Variants in CACNA1D observed in about 807,000 individuals in gnomAD.
CACNA1D encodes voltage-dependent L-type calcium channel subunit alpha-1D.
Under a neutral mutation model 257.1 loss-of-function variants are expected in CACNA1D, and 55 were observed. That is an observed-to-expected ratio of 0.21 (90% CI 0.17 to 0.27). CACNA1D has a LOEUF of 0.27. Among genes scored for constraint, CACNA1D ranks in the 10% least tolerant of loss-of-function variants. The pLI, the probability that CACNA1D is intolerant of heterozygous loss-of-function variation, is 1.00. For synonymous variants in CACNA1D, 980 were observed against 1,014.9 expected, an observed-to-expected ratio of 0.97 and a Z score of 0.65; for missense variants, 1,876 against 2,784.0, an observed-to-expected ratio of 0.67 and a Z score of 7.34.
rs2095473731 is a variant in CACNA1D, at chr3:53,789,639, G to T, written c.4923+2687G>T. On this transcript the variant is annotated intron_variant, in intron 40 of 47. Transcript: ENST00000350061. This position sits in a 1 kb window ranked among gnomAD's most constrained non-coding sequence, Gnocchi z 4.2. ...GATGGCTTGCCTCCTCCCACAGCAGGGTGCCCCATGGCTGGCAGACTGCGT... is the reference window on the plus strand; with the variant it reads ...GATGGCTTGCCTCCTCCCACAGCAGTGTGCCCCATGGCTGGCAGACTGCGT... Among the ~76,000 whole-genome samples the T allele has an allele frequency of 6.6e-6, 1 of 152,220 alleles. No homozygotes were observed. Among genetic ancestry groups the T allele is most frequent in the African/African-American group, 2.4e-5 (1 of 41,456 alleles).
rs9311512 is a variant in CACNA1D, at chr3:53,680,579, C to T, written c.1220+7453C>T. On this transcript the variant is annotated intron_variant, in intron 8 of 47. Coordinates refer to ENST00000350061, the MANE Select transcript of CACNA1D (RefSeq NM_001128840.3). ...GGGAGGCTGTTGAATCTGTTGATCC[C>T]AAATCCTAGGGGAAGAGAATTCATT... Among the ~76,000 whole-genome samples, 842 of 152,240 alleles carry T rather than the reference C, an allele frequency of 5.5e-3. 6 individuals are homozygous for T. Among genetic ancestry groups the T allele is most frequent in the African/African-American group, 0.019 (797 of 41,538 alleles).
At chr3:53,743,201 C>T (rs2095134108) in intron 22 of CACNA1D, 84 bp downstream of exon 22, 5 of 824,594 alleles carry the variant, frequency 6.1e-6, no homozygotes, top group East Asian at 4.9e-5. Flanking sequence ...AAAGGCTGGG[C>T]ATCATTTTCA....
At chr3:53,798,177 T>C (rs192009028) in intron 40 of CACNA1D, among the ~76,000 whole-genome samples, 20 of 152,310 alleles carry the variant, frequency 1.3e-4, no homozygotes, top group Admixed American at 3.9e-4. Flanking sequence ...TTTACCAACA[T>C]AGCATTACAG....
rs1199715113 is a variant in CACNA1D at position 53,723,251 on chromosome 3, G to C, written c.1667-183G>C. On this transcript the variant is annotated intron_variant, in intron 12 of 47. Transcript: ENST00000350061. The surrounding 1 kb of genome is among the most constrained non-coding windows in gnomAD (Gnocchi z 5.6). ...ATAGCTAGTAGCAGAAGCAGGACCA[G>C]AACCTGGTGGACAGACTGTCCACGC... 6.6e-6 allele frequency among the ~76,000 whole-genome samples: 1 copy of C among 152,110 alleles called. No homozygotes were observed. The highest frequency in any genetic ancestry group is 2.4e-5 in the African/African-American group (1 of 41,420).
intron 46 of CACNA1D, chr3:53,809,202 G>A (rs553589058): frequency 2.7e-4 from 56 of 206,174 alleles, no homozygotes; most frequent in African/African-American, 1.1e-3. Flanking sequence ...GGGCCCTGTG[G>A]GTACTATGCA....
chr3:53,787,927 T>C (rs576234790), intron 40 of CACNA1D, among the ~76,000 whole-genome samples: 19 of 152,310 alleles, frequency 1.2e-4, no homozygotes, highest in Middle Eastern at 3.4e-3. Flanking sequence ...TAAAATCTAT[T>C]TACGCCACAA....
chr3:53,621,587 G>A (rs2093697509), intron 3 of CACNA1D, among the ~76,000 whole-genome samples: 1 of 152,104 alleles, frequency 6.6e-6, no homozygotes, highest in South Asian at 2.1e-4. Flanking sequence ...CTAAGACAGG[G>A]CACAAAAAGC....
intron 15 of CACNA1D, among the ~76,000 whole-genome samples, chr3:53,730,224 C>G (rs2094976106): frequency 6.6e-6 from 1 of 151,822 alleles, no homozygotes; most frequent in Non-Finnish European, 1.5e-5. Flanking sequence ...CTTCTGTAGA[C>G]TGTCCTTTTA....
intron 8 of CACNA1D, among the ~76,000 whole-genome samples, chr3:53,684,697 T>G (rs1476370985): frequency 6.6e-6 from 1 of 151,152 alleles, no homozygotes. Flanking sequence ...CTAAATTTTC[T>G]AAAAGATAAT....
intron 28 of CACNA1D, among the ~76,000 whole-genome samples, chr3:53,752,461 G>A (rs545306202): frequency 3.4e-4 from 51 of 152,234 alleles, no homozygotes; most frequent in African/African-American, 1.2e-3. Flanking sequence ...GTGCAGTAGC[G>A]CGATCTCGGC....
At position 53,786,810 on chromosome 3, in the gene CACNA1D, C is replaced by A; in HGVS notation, c.4793-12C>A. 1 of 1,461,926 alleles carries A rather than the reference C, an allele frequency of 6.8e-7. No individual in the cohort carries two copies. Among genetic ancestry groups the A allele is most frequent in the South Asian group, 1.1e-5 (1 of 89,362 alleles). The allele number at this position is 1,461,926 out of a possible 1,614,324, so 90.6% of individuals were successfully genotyped here. ...CTGATTCGGGAGAGCTCTGTCTGGT[C>A]TCTCCGTTTAGATGATGAGGTAACC... On this transcript the variant is annotated splice_polypyrimidine_tract_variant and intron_variant, in intron 39 of 47. Transcript: ENST00000350061.
intron 3 of CACNA1D, among the ~76,000 whole-genome samples, chr3:53,588,779 T>G (rs1214199380): frequency 1.3e-5 from 2 of 152,186 alleles, no homozygotes; most frequent in African/African-American, 4.8e-5. Context: ...AAGGAATCAT[T>G]CTGAAAGTTA....
At chr3:53,740,873 T>C (rs993367982) in intron 21 of CACNA1D, among the ~76,000 whole-genome samples, 1 of 152,222 alleles carries the variant, frequency 6.6e-6, no homozygotes, top group Non-Finnish European at 1.5e-5. Context: ...CTCTTTTTGT[T>C]TCTCTGACTG....
At chr3:53,761,464 T>C (rs1305516885) in intron 29 of CACNA1D, among the ~76,000 whole-genome samples, 4 of 152,248 alleles carry the variant, frequency 2.6e-5, no homozygotes, top group African/African-American at 4.8e-5. Context: ...GACAGGGACT[T>C]GTCTCAGTCA....
At chr3:53,524,858 A>G (rs1442037364) in intron 3 of CACNA1D, among the ~76,000 whole-genome samples, 7 of 152,186 alleles carry the variant, frequency 4.6e-5, no homozygotes, top group Non-Finnish European at 8.8e-5. Context: ...TCAACCATAT[A>G]TTAATTTTGC....
At chr3:53,643,727 G>T (rs1221878874) in intron 3 of CACNA1D, among the ~76,000 whole-genome samples, 1 of 152,184 alleles carries the variant, frequency 6.6e-6, no homozygotes, top group Non-Finnish European at 1.5e-5. Context: ...TGGCACCTGG[G>T]GCCCTTTGTG....
chr3:53,545,619 AAAC>A (rs1425472353), intron 3 of CACNA1D, among the ~76,000 whole-genome samples: 6 of 152,238 alleles, frequency 3.9e-5, no homozygotes, highest in Non-Finnish European at 8.8e-5. Flanking sequence ...TTATAAATGA[AAAC>A]AAAGTAATTT....
intron 3 of CACNA1D, among the ~76,000 whole-genome samples, chr3:53,504,059 T>G (rs1326479307): frequency 1.3e-5 from 2 of 152,036 alleles, no homozygotes; most frequent in African/African-American, 4.8e-5. Context: ...TTTTTTGTTT[T>G]TTTTTTTTTA....
intron 3 of CACNA1D, among the ~76,000 whole-genome samples, chr3:53,645,773 A>G (rs1386936078): frequency 6.6e-6 from 1 of 152,168 alleles, no homozygotes; most frequent in Non-Finnish European, 1.5e-5. Flanking sequence ...AGGTCAGTAA[A>G]GGTTTTGCTG....
Sources: allele counts gnomAD v4.1 joint callset (sites outside exome capture counted in the v4.1 genomes callset), GRCh38; gene constraint gnomAD v4.1.1; non-coding constraint Gnocchi (gnomAD v3.1); transcripts MANE v1.5; gene names NCBI Gene and HGNC (gene_info 2026-07-23, HGNC 2026-07-21).